The following BMAL1 variants were observed in gnomAD, a reference collection of about 807,000 sequenced individuals.
BMAL1 encodes the protein basic helix-loop-helix ARNT like 1.
chr11:13,384,183 A>G, the BMAL1 span, among the ~76,000 whole-genome samples: 8 of 152,176 alleles, frequency 5.3e-5, no homozygotes, highest in African/African-American at 1.9e-4. Flanking sequence ...TGCCAATGAT[A>G]AAATCTGAGC....
the BMAL1 span, among the ~76,000 whole-genome samples, chr11:13,385,226 C>CT: frequency 6.6e-6 from 1 of 152,184 alleles, no homozygotes; most frequent in African/African-American, 2.4e-5. Flanking sequence ...AAGTTGGCAC[C>CT]TGTAGTATAA....
the BMAL1 span, among the ~76,000 whole-genome samples, chr11:13,312,512 A>G: frequency 6.6e-6 from 1 of 152,178 alleles, no homozygotes; most frequent in African/African-American, 2.4e-5. Flanking sequence ...AACCTCAAAC[A>G]CTTACTTTAA....
chr11:13,294,833 CG>C, the BMAL1 span, among the ~76,000 whole-genome samples: 1 of 152,194 alleles, frequency 6.6e-6, no homozygotes, highest in Non-Finnish European at 1.5e-5. Flanking sequence ...TTGGCTCTCT[CG>C]GGCCCCTGCC....
chr11:13,333,701 C>A, the BMAL1 span, among the ~76,000 whole-genome samples: 1 of 152,234 alleles, frequency 6.6e-6, no homozygotes, highest in East Asian at 1.9e-4. Flanking sequence ...ATCTCCGCAC[C>A]AGGCATCCTG....
chr11:13,376,602 G>A, the BMAL1 span: 2 of 1,603,082 alleles, frequency 1.2e-6, no homozygotes, highest in East Asian at 2.2e-5. Context: ...TTCTGAGCAG[G>A]CCTGACTCAC....
the BMAL1 span, among the ~76,000 whole-genome samples, chr11:13,297,731 C>T: frequency 1.3e-5 from 2 of 152,230 alleles, no homozygotes; most frequent in Admixed American, 6.5e-5. Context: ...GGAATGCTCT[C>T]TTCCCCCTGC....
At chr11:13,303,841 T>C in the BMAL1 span, among the ~76,000 whole-genome samples, 1 of 152,284 alleles carries the variant, frequency 6.6e-6, no homozygotes, top group African/African-American at 2.4e-5. Flanking sequence ...AAAGGAAGTC[T>C]GGCCATGTGC....
chr11:13,306,115 C>T, the BMAL1 span, among the ~76,000 whole-genome samples: 1 of 152,000 alleles, frequency 6.6e-6, no homozygotes, highest in Non-Finnish European at 1.5e-5. Flanking sequence ...AGGGAAAGTG[C>T]ACCTGCTCCA....
At chr11:13,337,498 A>C in the BMAL1 span, among the ~76,000 whole-genome samples, 1 of 152,218 alleles carries the variant, frequency 6.6e-6, no homozygotes, top group African/African-American at 2.4e-5. Flanking sequence ...ATGTTCTTAA[A>C]CATAAAATTT....
the BMAL1 span, among the ~76,000 whole-genome samples, chr11:13,288,840 G>A: frequency 2.2e-4 from 33 of 152,286 alleles, no homozygotes; most frequent in Admixed American, 1.8e-3. Context: ...TCTAGAGTGC[G>A]GTGAACATCT....
chr11:13,325,773 C>A, the BMAL1 span, among the ~76,000 whole-genome samples: 2 of 151,808 alleles, frequency 1.3e-5, no homozygotes, highest in Non-Finnish European at 2.9e-5. Context: ...TGAGTAAGCA[C>A]ATTATTTCCC....
At chr11:13,384,331 G>A in the BMAL1 span, among the ~76,000 whole-genome samples, 1 of 152,198 alleles carries the variant, frequency 6.6e-6, no homozygotes, top group African/African-American at 2.4e-5. Flanking sequence ...ATAATGAAAT[G>A]TGTCAATATA....
chr11:13,358,676 G>C, the BMAL1 span: 2 of 1,325,630 alleles, frequency 1.5e-6, no homozygotes, highest in Non-Finnish European at 2.0e-6. Flanking sequence ...CCCTAAGGCA[G>C]ATGTTTATTA....
At chr11:13,311,678 C>T in the BMAL1 span, among the ~76,000 whole-genome samples, 1 of 152,188 alleles carries the variant, frequency 6.6e-6, no homozygotes, top group Non-Finnish European at 1.5e-5. Context: ...CATGCTGTGA[C>T]CAGTTTTCAT....
the BMAL1 span, among the ~76,000 whole-genome samples, chr11:13,298,067 C>A: frequency 2.0e-5 from 3 of 152,200 alleles, no homozygotes; most frequent in Admixed American, 1.3e-4. Flanking sequence ...CCTGGTACTT[C>A]TGACCTCATC....
chr11:13,366,489 C>T, the BMAL1 span, among the ~76,000 whole-genome samples: 1 of 152,198 alleles, frequency 6.6e-6, no homozygotes, highest in African/African-American at 2.4e-5. Flanking sequence ...CTCCAGATGC[C>T]TCCTTCCTGG....
the BMAL1 span, among the ~76,000 whole-genome samples, chr11:13,326,201 TAA>T: frequency 7.0e-6 from 1 of 142,544 alleles, no homozygotes; most frequent in Non-Finnish European, 1.5e-5. Context: ...AGACTCTGTC[TAA>T]AAAAAAAAAA....
At chr11:13,279,880 C>G in the BMAL1 span, among the ~76,000 whole-genome samples, 6 of 152,148 alleles carry the variant, frequency 3.9e-5, no homozygotes, top group African/African-American at 1.4e-4. Context: ...TTTATTCAAC[C>G]CTCTGAAGAA....
chr11:13,353,736 G>C, the BMAL1 span, among the ~76,000 whole-genome samples: 2 of 152,200 alleles, frequency 1.3e-5, no homozygotes, highest in African/African-American at 4.8e-5. Flanking sequence ...TGAGGCACGA[G>C]AGTCACTTGA....
Sources: gnomAD v4.1 joint callset for allele counts (sites outside exome capture counted in the v4.1 genomes callset) on GRCh38, gnomAD v4.1.1 for gene constraint, MANE v1.5 for transcripts, NCBI Gene and HGNC (gene_info 2026-07-23, HGNC 2026-07-21) for gene names.